The following ADGRL2 variants were observed in gnomAD, a reference collection of about 807,000 sequenced individuals.
ADGRL2 encodes adhesion G protein-coupled receptor L2, also known as calcium-independent alpha-latrotoxin receptor 2.
In ADGRL2, 44 loss-of-function variants were observed where a neutral mutation model predicts 157.4. The ratio of observed to expected loss-of-function variants is 0.28; its 90% CI spans 0.22 to 0.36. ADGRL2 has a LOEUF of 0.36. ADGRL2 is among the 10% of genes least tolerant of loss of function. The pLI, the probability that ADGRL2 is intolerant of heterozygous loss-of-function variation, is 1.00. For synonymous variants in ADGRL2, 585 were observed against 624.7 expected (o/e 0.94, Z 0.95); for missense variants, 1,510 against 1,768.9 (o/e 0.85, Z 2.63).
At chr1:81,916,197 T>G (rs2094851165) in intron 3 of ADGRL2, among the ~76,000 whole-genome samples, 1 of 152,192 alleles carries the variant, frequency 6.6e-6, no homozygotes, top group South Asian at 2.1e-4. Context: ...TACACATTTA[T>G]CTAAACGACC....
At chr1:81,538,582 A>C (rs138341875) in intron 2 of ADGRL2, among the ~76,000 whole-genome samples, 1 of 152,226 alleles carries the variant, frequency 6.6e-6, no homozygotes, top group African/African-American at 2.4e-5. Context: ...GCATCTATAC[A>C]TGGAATCTCT....
chr1:81,864,891 C>T (rs1194326928), intron 2 of ADGRL2, among the ~76,000 whole-genome samples: 5 of 152,226 alleles, frequency 3.3e-5, no homozygotes, highest in African/African-American at 9.6e-5. Flanking sequence ...GAGGCTGAGG[C>T]AGGAGAATCC....
At chr1:81,967,732 A>G (rs1464328237) in intron 13 of ADGRL2, among the ~76,000 whole-genome samples, 1 of 152,228 alleles carries the variant, frequency 6.6e-6, no homozygotes, top group Non-Finnish European at 1.5e-5. Context: ...TTTTATCAGA[A>G]AGGAAAAAAG....
Position 81,968,055 on chromosome 1 carries a change from C to T in ADGRL2, c.2379C>T (p.Ser793=). 6.2e-7 allele frequency: 1 copy of T among 1,613,962 alleles called. No individual in the cohort carries two copies. Among genetic ancestry groups the T allele is most frequent in the Non-Finnish European group, 8.5e-7 (1 of 1,179,908 alleles). Reference sequence around the variant, plus strand: ...ACAATTATTTCAATGCAAACTGCTCCTTCTGGAACTACTCAGAGAGAACTA... The same window carrying T: ...ACAATTATTTCAATGCAAACTGCTCTTTCTGGAACTACTCAGAGAGAACTA... ...DPDNYFNANC[S]FWNYSERTMM... The change falls in exon 14 of 24, where the codon TCC becomes TCT. Residue 793 remains serine, a synonymous_variant. Transcript: ENST00000686636.
intron 1 of ADGRL2, among the ~76,000 whole-genome samples, chr1:81,337,114 C>T (rs996965030): frequency 6.6e-6 from 1 of 152,188 alleles, no homozygotes; most frequent in Non-Finnish European, 1.5e-5. Context: ...CTTCCCACTC[C>T]ATCCCCTTTC....
intron 15 of ADGRL2, 36 bp downstream of exon 15, chr1:81,969,423 T>G: frequency 5.6e-6 from 8 of 1,435,330 alleles, no homozygotes; most frequent in Non-Finnish European, 7.8e-6. Flanking sequence ...CTTAGATCTC[T>G]GAAAATTATT....
At chr1:81,514,103 C>G (rs912092743) in intron 2 of ADGRL2, 2 of 105,372 alleles carry the variant, frequency 1.9e-5, no homozygotes, top group African/African-American at 6.3e-5. Context: ...GCAGAAAGGT[C>G]CTTTGGGGTT....
intron 3 of ADGRL2, among the ~76,000 whole-genome samples, chr1:81,679,164 C>CA (rs1211607907): frequency 2.0e-5 from 3 of 152,010 alleles, no homozygotes; most frequent in Admixed American, 6.6e-5. Flanking sequence ...AACAGGGAGG[C>CA]AGGCTGGGTG....
rs1227666677 is a variant in ADGRL2, at chr1:81,993,670, G to C, written c.*2525G>C. 1.3e-5 allele frequency among the ~76,000 whole-genome samples: 2 copies of C among 152,016 alleles called. No homozygotes were observed. Among genetic ancestry groups the C allele is most frequent in the Non-Finnish European group, 2.9e-5 (2 of 68,014 alleles). ...TTAAATTCCATCTAGGATTCCCTTA[G>C]TACAAGGTAGTTTCTTAGGTTTGTA... On this transcript the variant is annotated 3_prime_UTR_variant, in exon 24 of 24. Coordinates refer to ENST00000686636, the MANE Select transcript of ADGRL2 (RefSeq NM_001366006.2).
intron 2 of ADGRL2, among the ~76,000 whole-genome samples, chr1:81,460,135 A>G (rs2077895585): frequency 6.6e-6 from 1 of 151,572 alleles, no homozygotes; most frequent in Non-Finnish European, 1.5e-5. Context: ...GCCCATTTGT[A>G]TTTCTTAGGT....
intron 2 of ADGRL2, among the ~76,000 whole-genome samples, chr1:81,498,836 A>C (rs1475157465): frequency 6.6e-6 from 1 of 152,218 alleles, no homozygotes; most frequent in African/African-American, 2.4e-5. Context: ...GTTGAGCCAG[A>C]CTTTATAAAT....
chr1:81,950,379 C>A lies in ADGRL2; in HGVS notation c.1401C>A (p.Pro467=). 5 of 1,613,996 alleles carry A rather than the reference C, an allele frequency of 3.1e-6. No homozygotes were observed. Among genetic ancestry groups the A allele is most frequent in the Non-Finnish European group, 4.2e-6 (5 of 1,179,944 alleles). The change falls in exon 7 of 24, where the codon CCC becomes CCA. Residue 467 remains proline (P), a synonymous_variant. Coordinates refer to ENST00000686636, the MANE Select transcript of ADGRL2 (RefSeq NM_001366006.2). ...TTCCACCTATAACAAATATTTTTCC[C>A]CTGCCAGAGAGATTCTGTGAAGCAT... ...TKIPPITNIF[P]LPERFCEALD... is the part of the protein sequence containing the mutation.
intron 1 of ADGRL2, among the ~76,000 whole-genome samples, chr1:81,836,661 A>G (rs983807367): frequency 6.6e-6 from 1 of 152,034 alleles, no homozygotes; most frequent in African/African-American, 2.4e-5. Flanking sequence ...GCCATGTACA[A>G]ATTTTGGCAA....
intron 3 of ADGRL2, among the ~76,000 whole-genome samples, chr1:81,595,216 C>A (rs936804045): frequency 6.6e-6 from 1 of 152,084 alleles, no homozygotes; most frequent in African/African-American, 2.4e-5. Context: ...TTGAGAAGTG[C>A]AATACTTTTT....
intron 2 of ADGRL2, among the ~76,000 whole-genome samples, chr1:81,515,824 T>C (rs181647290): frequency 1.1e-4 from 16 of 152,310 alleles, no homozygotes; most frequent in Non-Finnish European, 2.4e-4. Context: ...TCAGTGGCAA[T>C]ATAGAGCAAT....
chr1:81,592,215 TG>T (rs2081147071), intron 3 of ADGRL2, among the ~76,000 whole-genome samples: 1 of 152,160 alleles, frequency 6.6e-6, no homozygotes, highest in Non-Finnish European at 1.5e-5. Flanking sequence ...GTTGAGATCA[TG>T]GGTGAAAATT....
intron 2 of ADGRL2, among the ~76,000 whole-genome samples, chr1:81,841,961 G>A (rs986032435): frequency 6.6e-6 from 1 of 152,138 alleles, no homozygotes; most frequent in Non-Finnish European, 1.5e-5. Flanking sequence ...TTGCATGTGT[G>A]TTAGGAAATT....
chr1:81,470,370 G>T (rs1362124076), intron 2 of ADGRL2, among the ~76,000 whole-genome samples: 3 of 151,514 alleles, frequency 2.0e-5, no homozygotes, highest in African/African-American at 4.8e-5. Flanking sequence ...ATCCCCCGGT[G>T]CTCCTGCTCA....
At chr1:81,775,664 C>A (rs1045032442) in intron 2 of ADGRL2, among the ~76,000 whole-genome samples, 1 of 151,872 alleles carries the variant, frequency 6.6e-6, no homozygotes, top group South Asian at 2.1e-4. Flanking sequence ...AGAAGTCATG[C>A]CCAAATGACA....
Sources: gnomAD v4.1 joint callset for allele counts (sites outside exome capture counted in the v4.1 genomes callset) on GRCh38, gnomAD v4.1.1 for gene constraint, MANE v1.5 for transcripts, NCBI Gene and HGNC (gene_info 2026-07-23, HGNC 2026-07-21) for gene names.